Variants in CDC14A observed in about 807,000 individuals in gnomAD.
CDC14A encodes the protein dual specificity protein phosphatase CDC14A.
Under a neutral mutation model 74.4 loss-of-function variants are expected in CDC14A, and 53 were observed. The observed-to-expected ratio is 0.71, with a 90% CI of 0.57 to 0.89. The LOEUF (loss-of-function observed/expected upper bound fraction) is 0.89, where lower values mean the gene tolerates loss of function less well. Ranked by LOEUF, CDC14A falls within the 40% of genes least tolerant of loss-of-function variation. The pLI, the probability that CDC14A is intolerant of heterozygous loss-of-function variation, is 0.00. For missense variants in CDC14A, 646 were observed against 713.7 expected (o/e 0.91, Z 1.08); for synonymous variants, 247 against 258.4 (o/e 0.96, Z 0.43).
chr1:100,465,381 C>A (rs1368185544), intron 9 of CDC14A, among the ~76,000 whole-genome samples: 1 of 152,130 alleles, frequency 6.6e-6, no homozygotes, highest in Non-Finnish European at 1.5e-5. Context: ...CATTTTCTTC[C>A]ACTTGCACAC....
At position 100,518,705 on chromosome 1, in the gene CDC14A, T is replaced by C. The variant is rs1001649465; in HGVS notation, c.*425T>C. The C allele has an allele frequency of 1.3e-5, 2 of 152,720 alleles. No individual in the cohort carries two copies. The highest frequency in any genetic ancestry group is 4.8e-5 in the African/African-American group (2 of 41,466). 9.5% of individuals were successfully genotyped at this position (152,720 alleles called of 1,614,324 possible). ...TATATTTTGATTTAGATTTTCCTGC[T>C]GTTTGCTACCAAAAATTTGTATTTT... On this transcript the variant is annotated 3_prime_UTR_variant, in exon 16 of 16. Coordinates refer to ENST00000336454, the MANE Select transcript of CDC14A (RefSeq NM_003672.4).
At chr1:100,495,802 A>G (rs1016713497) in intron 12 of CDC14A, among the ~76,000 whole-genome samples, 200 bp from the exon 13 acceptor site, 4 of 152,210 alleles carry the variant, frequency 2.6e-5, no homozygotes, top group African/African-American at 4.8e-5. Flanking sequence ...TTGCTCAAAG[A>G]TGAGGTTATC....
chr1:100,349,503 T>A (rs932868394), upstream of CDC14A, among the ~76,000 whole-genome samples: 2 of 152,238 alleles, frequency 1.3e-5, no homozygotes, highest in Non-Finnish European at 2.9e-5. Context: ...AAAGTGTTTT[T>A]ATGATCTCAT....
intron 11 of CDC14A, among the ~76,000 whole-genome samples, chr1:100,491,518 ATCTCTCTCTCTC>A (rs761858427): frequency 7.5e-5 from 2 of 26,590 alleles, no homozygotes; most frequent in African/African-American, 1.0e-4. Context: ...ATATATCTGC[ATCTCTCTCTCTC>A]TCTCTCTCTC....
intron 3 of CDC14A, among the ~76,000 whole-genome samples, chr1:100,378,340 A>G (rs1456341958): frequency 1.3e-5 from 2 of 152,126 alleles, no homozygotes; most frequent in East Asian, 1.9e-4. Context: ...TTGTCTTCCA[A>G]TTTCTAAATG....
chr1:100,486,483 G>T (rs1208277956), intron 11 of CDC14A, among the ~76,000 whole-genome samples: 1 of 152,172 alleles, frequency 6.6e-6, no homozygotes, highest in Non-Finnish European at 1.5e-5. Flanking sequence ...ATAAACAACA[G>T]AAATTTATTT....
chr1:100,378,607 C>A (rs1038579894), intron 3 of CDC14A, among the ~76,000 whole-genome samples: 4 of 152,200 alleles, frequency 2.6e-5, no homozygotes, highest in African/African-American at 9.6e-5. Context: ...TATGAATTTA[C>A]AAATTTTTGC....
intron 6 of CDC14A, among the ~76,000 whole-genome samples, chr1:100,441,482 T>C (rs1454943213): frequency 3.3e-5 from 5 of 152,190 alleles, no homozygotes; most frequent in African/African-American, 2.4e-5. Context: ...CTGATTTTAA[T>C]GTATTGGCAT....
intron 8 of CDC14A, among the ~76,000 whole-genome samples, chr1:100,461,713 C>G (rs1169731422): frequency 6.6e-6 from 1 of 152,098 alleles, no homozygotes; most frequent in African/African-American, 2.4e-5. Flanking sequence ...GATGGTGGAG[C>G]CACTCAAAAA....
intron 15 of CDC14A, 133 bp downstream of exon 15, chr1:100,499,395 T>A (rs1300846162): frequency 6.3e-7 from 1 of 1,592,952 alleles, no homozygotes; most frequent in East Asian, 2.2e-5. Context: ...GCCTTCCCTC[T>A]GTGCTGTGAA....
intron 1 of CDC14A, among the ~76,000 whole-genome samples, chr1:100,346,710 T>C (rs1291676982): frequency 1.3e-5 from 2 of 151,854 alleles, no homozygotes; most frequent in African/African-American, 2.4e-5. Flanking sequence ...ATGTATTGAG[T>C]TGTTAACTTG....
intron 11 of CDC14A, among the ~76,000 whole-genome samples, chr1:100,492,850 G>GTGTGTGTGTA (rs1236847585): frequency 1.3e-5 from 2 of 151,368 alleles, no homozygotes; most frequent in Non-Finnish European, 2.9e-5. Context: ...CTGTGTGTGT[G>GTGTGTGTGTA]TGTGTGTGTG....
At chr1:100,513,185 CAT>C (rs1165378866) in intron 15 of CDC14A, among the ~76,000 whole-genome samples, 5 of 152,154 alleles carry the variant, frequency 3.3e-5, no homozygotes, top group African/African-American at 1.2e-4. Context: ...CTTAAAGAGA[CAT>C]AGGAGTACAG....
intron 7 of CDC14A, among the ~76,000 whole-genome samples, chr1:100,448,096 C>T (rs181424385): frequency 1.1e-4 from 16 of 152,242 alleles, no homozygotes; most frequent in African/African-American, 3.6e-4. Context: ...GTGGCAACAT[C>T]GGAGGTTCCT....
intron 9 of CDC14A, 58 bp from the exon 10 acceptor site, chr1:100,467,898 T>A: frequency 6.7e-6 from 10 of 1,490,858 alleles, no homozygotes; most frequent in Non-Finnish European, 8.1e-6. Context: ...GATTTCAGTG[T>A]TTTTGTGGTA....
intron 9 of CDC14A, among the ~76,000 whole-genome samples, chr1:100,465,691 G>A (rs1241374300): frequency 6.6e-6 from 1 of 152,116 alleles, no homozygotes; most frequent in Non-Finnish European, 1.5e-5. Context: ...AATTTGCTGG[G>A]GATTACATTT....
intron 15 of CDC14A, among the ~76,000 whole-genome samples, chr1:100,505,289 G>C (rs1649132925): frequency 7.0e-6 from 1 of 142,406 alleles, no homozygotes; most frequent in Non-Finnish European, 1.5e-5. Context: ...TACTCAGTTG[G>C]TTAATGCTGC....
At chr1:100,502,180 TC>T (rs1648806318) in intron 15 of CDC14A, among the ~76,000 whole-genome samples, 1 of 152,204 alleles carries the variant, frequency 6.6e-6, no homozygotes, top group South Asian at 2.1e-4. Context: ...ATTTATAAAG[TC>T]TACAGTAGTG....
chr1:100,472,654 G>A (rs543769627), intron 10 of CDC14A, among the ~76,000 whole-genome samples: 8 of 150,764 alleles, frequency 5.3e-5, no homozygotes, highest in African/African-American at 1.7e-4. Context: ...TAGACTCAAT[G>A]ATTTCTCATA....
Sources: gnomAD v4.1 joint callset for allele counts (sites outside exome capture counted in the v4.1 genomes callset) on GRCh38, gnomAD v4.1.1 for gene constraint, MANE v1.5 for transcripts, NCBI Gene and HGNC (gene_info 2026-07-23, HGNC 2026-07-21) for gene names.